Variants in MARVELD3 observed in about 807,000 individuals in gnomAD.
MARVELD3 encodes the protein MARVEL domain containing 3.
In MARVELD3, 28 loss-of-function variants were observed where a neutral mutation model predicts 33.5. The ratio of observed to expected loss-of-function variants is 0.84; its 90% CI spans 0.62 to 1.15. MARVELD3 has a LOEUF of 1.15. MARVELD3 is among the 50% of genes most tolerant of loss of function. The pLI is 0.00. For missense variants in MARVELD3, 582 were observed against 547.6 expected, an observed-to-expected ratio of 1.06 and a Z score of -0.63; for synonymous variants, 241 against 230.4, an observed-to-expected ratio of 1.05 and a Z score of -0.42.
chr16:71,626,525 C>T lies in MARVELD3; in HGVS notation c.296C>T (p.Pro99Leu). ...CGGGACACACACAGGGACGCGGGCC[C>T]TCGCGCAGGTGAACACGGAGTTTGG... ...PRRDTHRDAG[P>L]RAGEHGVWEK... is the part of the protein sequence containing the mutation. The change falls in exon 1 of 3, where the codon CCT becomes CTT. Residue 99 changes from proline (P) to leucine (L), a missense_variant. Transcript: ENST00000268485. This position sits in a 1 kb window ranked among gnomAD's most constrained non-coding sequence, Gnocchi z 5.3. 6.5e-7 allele frequency: 1 copy of T among 1,549,694 alleles called. No individual in the cohort carries two copies.
downstream of MARVELD3, chr16:71,641,052 C>T (rs13337162): frequency 7.1e-3 from 11,124 of 1,577,312 alleles, 698 homozygotes; most frequent in African/African-American, 0.13. Flanking sequence ...TAAATGTGAA[C>T]GCACATTGTT....
chr16:71,630,581 G>A (rs188131088), intron 2 of MARVELD3, among the ~76,000 whole-genome samples: 13 of 150,710 alleles, frequency 8.6e-5, no homozygotes, highest in East Asian at 7.8e-4. Context: ...CCAAGATTTC[G>A]CCATTGCACT....
intron 1 of MARVELD3, among the ~76,000 whole-genome samples, chr16:71,627,035 G>C (rs1288024438): frequency 6.6e-6 from 1 of 152,220 alleles, no homozygotes; most frequent in Non-Finnish European, 1.5e-5. Context: ...CTCCTCCCCG[G>C]CCCGGCCCGC....
chr16:71,641,936 TTAAAAA>T (rs1160527820), exon 3 of MARVELD3: 2 of 152,222 alleles, frequency 1.3e-5, no homozygotes, highest in African/African-American at 4.8e-5. Context: ...ACACTGAATC[TTAAAAA>T]TAAAGTTCTT....
chr16:71,629,321 T>C, intron 1 of MARVELD3, 46 bp from the exon 2 acceptor site: 1 of 1,507,056 alleles, frequency 6.6e-7, no homozygotes, highest in Non-Finnish European at 8.8e-7. Flanking sequence ...CTGAACGCTA[T>C]TGAATGAGAC....
Position 71,626,776 on chromosome 16 carries a change from C to G in MARVELD3, c.467+80C>G. 8.2e-7 allele frequency: 1 copy of G among 1,212,594 alleles called. No individual in the cohort carries two copies. Among genetic ancestry groups the G allele is most frequent in the Non-Finnish European group, 1.1e-6 (1 of 925,834 alleles). 75.1% of individuals were successfully genotyped at this position (1,212,594 alleles called of 1,614,324 possible). ...CCGGCCCGCGAGGCCCTGGCGTCCCCGGGTTCTCGTCCTAGGAGCCCGTTT... is the reference window on the plus strand; with the variant it reads ...CCGGCCCGCGAGGCCCTGGCGTCCCGGGGTTCTCGTCCTAGGAGCCCGTTT... On this transcript the variant is annotated intron_variant, in intron 1 of 2. Transcript: ENST00000268485. The surrounding 1 kb of genome is among the most constrained non-coding windows in gnomAD (Gnocchi z 5.3).
At position 71,635,418 on chromosome 16, in the gene MARVELD3, G is replaced by A; in HGVS notation, c.*615G>A. 1.0e-6 allele frequency: 1 copy of A among 984,702 alleles called. No individual in the cohort carries two copies. Among genetic ancestry groups the A allele is most frequent in the Non-Finnish European group, 1.2e-6 (1 of 829,868 alleles). 61.0% of individuals were successfully genotyped at this position (984,702 alleles called of 1,614,324 possible). A position where few individuals can be genotyped will look rare whatever the true frequency, so the allele number is the denominator to read the frequency against. On this transcript the variant is annotated 3_prime_UTR_variant, in exon 3 of 3. Coordinates refer to ENST00000268485, the MANE Select transcript of MARVELD3 (RefSeq NM_052858.6). ...AGAGTGCACCTCTTCATTCAGTAAA[G>A]GGAGGTCACCAAGAGAATTTGATGA...
At chr16:71,632,575 A>T (rs1472681931) in intron 2 of MARVELD3, among the ~76,000 whole-genome samples, 3 of 150,754 alleles carry the variant, frequency 2.0e-5, no homozygotes, top group Admixed American at 2.0e-4. Context: ...AATTAACTTA[A>T]TTTTTCCTAT....
At chr16:71,631,066 C>T (rs986109507) in intron 2 of MARVELD3, among the ~76,000 whole-genome samples, 1 of 152,150 alleles carries the variant, frequency 6.6e-6, no homozygotes, top group African/African-American at 2.4e-5. Flanking sequence ...AGGGAGAGAA[C>T]TTATGGAGCT....
downstream of MARVELD3, chr16:71,639,280 A>C (rs968180169): frequency 6.6e-5 from 10 of 151,650 alleles, no homozygotes; most frequent in Admixed American, 2.0e-4. Flanking sequence ...CACGTTGTCC[A>C]GGCTGGTCAT....
In MARVELD3 at chr16:71,626,460, GGA is replaced by G. The variant is rs761135248; in HGVS notation, c.241_242del (p.Arg81GlyfsTer22). 5 of 1,549,172 alleles carry G rather than the reference GGA, an allele frequency of 3.2e-6. No homozygotes were observed. Among genetic ancestry groups the G allele is most frequent in the African/African-American group, 2.7e-5 (2 of 72,992 alleles). ...NRDRNRDRER[E>X]RERERDPDRG... ...GCGACCGGAACCGGGACCGGGAGAG[GGA>G]GAGAGAGAGGGAAAGAGACCCGGAC... On this transcript the variant is annotated frameshift_variant, in exon 1 of 3. Coordinates refer to ENST00000268485, the MANE Select transcript of MARVELD3 (RefSeq NM_052858.6). LOFTEE classifies it high-confidence loss of function. The surrounding 1 kb of genome is among the most constrained non-coding windows in gnomAD (Gnocchi z 5.3).
chr16:71,627,164 A>G (rs1237800670), intron 1 of MARVELD3, among the ~76,000 whole-genome samples: 1 of 152,174 alleles, frequency 6.6e-6, no homozygotes, highest in African/African-American at 2.4e-5. Flanking sequence ...AGCCCGATGA[A>G]GAGTTAATAG....
chr16:71,635,870 G>A lies in MARVELD3; in HGVS notation c.*1067G>A. The A allele has an allele frequency of 2.0e-6, 2 of 985,370 alleles. No homozygotes were observed. The highest frequency in any genetic ancestry group is 2.4e-6 in the Non-Finnish European group (2 of 829,934). 61.0% of individuals were successfully genotyped at this position (985,370 alleles called of 1,614,324 possible). A position where few individuals can be genotyped will look rare whatever the true frequency, so the allele number is the denominator to read the frequency against. Reference sequence around the variant, plus strand: ...AGATTAATTCTCTGGGTTGCAAAGAGGCTATTCTGCAAGCCCCTTACAGTG... The same window carrying A: ...AGATTAATTCTCTGGGTTGCAAAGAAGCTATTCTGCAAGCCCCTTACAGTG... On this transcript the variant is annotated 3_prime_UTR_variant, in exon 3 of 3. Coordinates refer to ENST00000268485, the MANE Select transcript of MARVELD3 (RefSeq NM_052858.6).
downstream of MARVELD3, chr16:71,641,076 C>G (rs372021599): frequency 2.6e-6 from 4 of 1,555,342 alleles, no homozygotes. Context: ...CTCAAAAAGA[C>G]AGGTCTTTTA....
At position 71,626,473 on chromosome 16, in the gene MARVELD3, G is replaced by C. The variant is rs1209587761; in HGVS notation, c.244G>C (p.Glu82Gln). The stretch of plus-strand genomic sequence containing the variant: ...GGACCGGGAGAGGGAGAGAGAGAGG[G>C]AAAGAGACCCGGACCGAGGCCCCCG... ...NRDRERERER[E>Q]RDPDRGPRRD... The change falls in exon 1 of 3, where the codon GAA becomes CAA. Residue 82 changes from glutamate to glutamine, a missense_variant. By Grantham distance (29) the Glu-to-Gln change is conservative. Transcript: ENST00000268485. This position sits in a 1 kb window ranked among gnomAD's most constrained non-coding sequence, Gnocchi z 5.3. The C allele has an allele frequency of 1.3e-6, 2 of 1,549,536 alleles. No individual in the cohort carries two copies. Among genetic ancestry groups the C allele is most frequent in the Non-Finnish European group, 1.7e-6 (2 of 1,146,756 alleles).
At chr16:71,627,101 G>A (rs1027554516) in intron 1 of MARVELD3, among the ~76,000 whole-genome samples, 4 of 152,218 alleles carry the variant, frequency 2.6e-5, no homozygotes, top group Non-Finnish European at 5.9e-5. Context: ...TCCAGAGCCA[G>A]CCCTTCCCGA....
In MARVELD3 at chr16:71,634,544, G is replaced by A. The variant is rs756099283; in HGVS notation, c.947G>A (p.Gly316Glu). 1.2e-6 allele frequency: 2 copies of A among 1,614,114 alleles called. No homozygotes were observed. The highest frequency in any genetic ancestry group is 1.7e-6 in the Non-Finnish European group (2 of 1,180,046). The change falls in exon 3 of 3, where the codon GGG (glycine) becomes GAG (glutamate). Residue 316 changes from glycine to glutamate, a missense_variant. Coordinates refer to ENST00000268485, the MANE Select transcript of MARVELD3 (RefSeq NM_052858.6). ...TTGTTGGACATGCTCATCGCGGGGGGGTACATCCCGGCCTTGTACTTCTAC... is the reference window on the plus strand; with the variant it reads ...TTGTTGGACATGCTCATCGCGGGGGAGTACATCCCGGCCTTGTACTTCTAC... ...EGLLDMLIAG[G>E]YIPALYFYFH... is the part of the protein sequence containing the mutation.
At chr16:71,640,495 G>T, downstream of MARVELD3, 5 of 1,614,108 alleles carry the variant, frequency 3.1e-6, no homozygotes, top group Non-Finnish European at 4.2e-6. Flanking sequence ...TCCAGCGGCG[G>T]TGGCTTTGGG....
intron 2 of MARVELD3, among the ~76,000 whole-genome samples, chr16:71,629,967 C>G (rs2044512517): frequency 6.6e-6 from 1 of 152,024 alleles, no homozygotes; most frequent in East Asian, 1.9e-4. Context: ...TGAGGCCAGG[C>G]ACAGTGGCTC....
Sources: gnomAD v4.1 joint callset for allele counts (sites outside exome capture counted in the v4.1 genomes callset) on GRCh38, gnomAD v4.1.1 for gene constraint, Gnocchi (gnomAD v3.1) non-coding constraint, MANE v1.5 for transcripts, NCBI Gene and HGNC (gene_info 2026-07-23, HGNC 2026-07-21) for gene names.